Variants in CACNB4 observed in about 807,000 individuals in gnomAD.
CACNB4 encodes the protein calcium voltage-gated channel auxiliary subunit beta 4.
In CACNB4, 32 loss-of-function variants were observed where a neutral mutation model predicts 71.2. The observed-to-expected ratio is 0.45, with a 90% CI of 0.34 to 0.60. The LOEUF is 0.60. Among genes scored for constraint, CACNB4 ranks in the 20% least tolerant of loss-of-function variants. The probability of loss-of-function intolerance (pLI) is 0.01; values close to 1 mark genes in which losing one functional copy is unlikely to be tolerated. For synonymous variants in CACNB4, 231 were observed against 236.9 expected (o/e 0.97, Z 0.23); for missense variants, 464 against 647.9 (o/e 0.72, Z 3.08).
At chr2:152,015,441 T>G (rs1683289381) in intron 2 of CACNB4, among the ~76,000 whole-genome samples, 1 of 152,192 alleles carries the variant, frequency 6.6e-6, no homozygotes, top group African/African-American at 2.4e-5. Flanking sequence ...AAAACAATTT[T>G]TTTTAACTAA....
intron 2 of CACNB4, among the ~76,000 whole-genome samples, chr2:151,976,089 C>A (rs1015075419): frequency 6.6e-6 from 1 of 152,184 alleles, no homozygotes; most frequent in Non-Finnish European, 1.5e-5. Flanking sequence ...ATGCAGTCAG[C>A]GAGTCTGACC....
At chr2:151,958,893 C>T (rs2099868957) in intron 2 of CACNB4, among the ~76,000 whole-genome samples, 1 of 152,166 alleles carries the variant, frequency 6.6e-6, no homozygotes, top group African/African-American at 2.4e-5. Flanking sequence ...TGCGAAACAT[C>T]AATACAGTAT....
At chr2:151,912,683 A>G (rs2099856500) in intron 2 of CACNB4, among the ~76,000 whole-genome samples, 1 of 152,212 alleles carries the variant, frequency 6.6e-6, no homozygotes, top group African/African-American at 2.4e-5. Flanking sequence ...TACTAGGTCC[A>G]CTTGATCCAG....
chr2:151,920,312 C>CTTTTTTTTTT (rs1553774943), intron 2 of CACNB4, among the ~76,000 whole-genome samples: 1 of 112,042 alleles, frequency 8.9e-6, no homozygotes, highest in Admixed American at 1.1e-4. Flanking sequence ...TCTTCTTCTT[C>CTTTTTTTTTT]TTCTTCTTTT....
At chr2:152,025,131 C>T (rs890961010) in intron 2 of CACNB4, among the ~76,000 whole-genome samples, 1 of 152,188 alleles carries the variant, frequency 6.6e-6, no homozygotes, top group Admixed American at 6.5e-5. Context: ...ACTAATTTGT[C>T]ATTTTGGCTA....
chr2:151,887,445 A>T (rs1349326984), intron 2 of CACNB4, among the ~76,000 whole-genome samples: 2 of 147,166 alleles, frequency 1.4e-5, no homozygotes, highest in Non-Finnish European at 3.0e-5. Flanking sequence ...AAAAAAAAAA[A>T]GAAAGGTATT....
At chr2:151,935,293 C>T (rs951949005) in intron 2 of CACNB4, among the ~76,000 whole-genome samples, 2 of 152,150 alleles carry the variant, frequency 1.3e-5, no homozygotes, top group Non-Finnish European at 2.9e-5. Flanking sequence ...ATTAACTTTG[C>T]CTTTGGATAT....
chr2:152,008,186 T>C (rs1463189144), intron 2 of CACNB4, among the ~76,000 whole-genome samples: 6 of 152,124 alleles, frequency 3.9e-5, no homozygotes, highest in Non-Finnish European at 7.4e-5. Context: ...TTCTAACACT[T>C]GTTCTTTTTT....
chr2:151,840,267 CTG>C (rs748564253), intron 13 of CACNB4, among the ~76,000 whole-genome samples: 14 of 152,222 alleles, frequency 9.2e-5, no homozygotes, highest in Non-Finnish European at 1.5e-4. Context: ...AGGTCACAGA[CTG>C]TGCCTTTAAC....
chr2:152,025,107 G>C (rs1163400688), intron 2 of CACNB4, among the ~76,000 whole-genome samples: 1 of 152,124 alleles, frequency 6.6e-6, no homozygotes, highest in Non-Finnish European at 1.5e-5. Flanking sequence ...TCTGAGGCCC[G>C]ATATTAACTT....
chr2:151,862,837 G>C (rs1485234654), intron 9 of CACNB4, among the ~76,000 whole-genome samples: 3 of 152,140 alleles, frequency 2.0e-5, no homozygotes, highest in Admixed American at 6.5e-5. Flanking sequence ...TTCTCTTACA[G>C]TTCAGTGTTC....
intron 2 of CACNB4, among the ~76,000 whole-genome samples, chr2:151,943,229 C>T (rs1377998896): frequency 6.6e-6 from 1 of 152,204 alleles, no homozygotes; most frequent in East Asian, 1.9e-4. Context: ...TATTTCTCAG[C>T]CAGCTGACAC....
intron 5 of CACNB4, among the ~76,000 whole-genome samples, chr2:151,875,431 C>A (rs1325677463): frequency 1.3e-5 from 2 of 151,932 alleles, no homozygotes; most frequent in African/African-American, 4.8e-5. Flanking sequence ...ATTTCTCAAT[C>A]TTTTCCCCAC....
At chr2:151,919,425 C>A (rs759924089) in intron 2 of CACNB4, among the ~76,000 whole-genome samples, 11 of 152,142 alleles carry the variant, frequency 7.2e-5, no homozygotes, top group Middle Eastern at 3.2e-3. Context: ...ACAAAACATG[C>A]TTTCCAAGCT....
At chr2:151,933,767 T>TA (rs994309256) in intron 2 of CACNB4, among the ~76,000 whole-genome samples, 5 of 152,098 alleles carry the variant, frequency 3.3e-5, no homozygotes, top group Non-Finnish European at 7.3e-5. Context: ...TTGAGGGTTT[T>TA]AAAAAAAATT....
chr2:151,989,493 T>G (rs1233366819), intron 2 of CACNB4, among the ~76,000 whole-genome samples: 1 of 152,230 alleles, frequency 6.6e-6, no homozygotes, highest in Non-Finnish European at 1.5e-5. Context: ...TTGGAAACTC[T>G]CCTGCTCCTT....
chr2:151,971,866 A>G, intron 2 of CACNB4: 1 of 466,400 alleles, frequency 2.1e-6, no homozygotes, highest in Non-Finnish European at 4.0e-6. Flanking sequence ...TCCACTCCTC[A>G]TGTTTCCCAC....
chr2:151,855,382 G>A lies in CACNB4; in HGVS notation c.869-7C>T, dbSNP rs753398823. 1.9e-6 allele frequency: 3 copies of A among 1,572,230 alleles called. No homozygotes were observed. Among genetic ancestry groups the A allele is most frequent in the East Asian group, 4.5e-5 (2 of 44,128 alleles). On this transcript the variant is annotated splice_region_variant and splice_polypyrimidine_tract_variant and intron_variant, in intron 10 of 13. Coordinates refer to ENST00000539935, the MANE Select transcript of CACNB4 (RefSeq NM_000726.5). ...ATTTCACTTTGTACTTCCGCTTAAAGGAAAAATAATAAATAGATCCCGGTT... is the reference window on the plus strand; with the variant it reads ...ATTTCACTTTGTACTTCCGCTTAAAAGAAAAATAATAAATAGATCCCGGTT...
intron 12 of CACNB4, chr2:151,851,848 T>C (rs935804782): frequency 6.6e-6 from 1 of 152,210 alleles, no homozygotes; most frequent in African/African-American, 2.4e-5. Context: ...TTCCCGGCTT[T>C]TGATAGCTAG....
Sources: gnomAD v4.1 joint callset for allele counts (sites outside exome capture counted in the v4.1 genomes callset) on GRCh38, gnomAD v4.1.1 for gene constraint, MANE v1.5 for transcripts, NCBI Gene and HGNC (gene_info 2026-07-23, HGNC 2026-07-21) for gene names.